Variants in OR9Q1 observed in about 807,000 individuals in gnomAD.
OR9Q1 encodes the protein olfactory receptor 9Q1.
For synonymous variants in OR9Q1, 153 were observed against 148.6 expected (o/e 1.03, Z -0.22); for missense variants, 374 against 378.8 (o/e 0.99, Z 0.11).
At chr11:58,093,868 T>C (rs1272552334) in intron 2 of OR9Q1, among the ~76,000 whole-genome samples, 2 of 150,362 alleles carry the variant, frequency 1.3e-5, no homozygotes, top group Non-Finnish European at 3.0e-5. Context: ...TAGCACAACC[T>C]CTAGAAAAAT....
At chr11:58,119,155 C>G in intron 2 of OR9Q1, 1 of 1,614,012 alleles carries the variant, frequency 6.2e-7, no homozygotes, top group African/African-American at 1.3e-5. Flanking sequence ...CTGGGCAGCA[C>G]AGTGGCCGTA....
At chr11:58,076,014 G>A (rs981122454) in intron 2 of OR9Q1, among the ~76,000 whole-genome samples, 1 of 152,170 alleles carries the variant, frequency 6.6e-6, no homozygotes, top group Non-Finnish European at 1.5e-5. Flanking sequence ...AGTCACACTC[G>A]TTTGTTTATG....
At chr11:58,131,540 A>G (rs1471247012) in intron 2 of OR9Q1, among the ~76,000 whole-genome samples, 2 of 152,016 alleles carry the variant, frequency 1.3e-5, no homozygotes, top group African/African-American at 4.8e-5. Flanking sequence ...TGTTTTATAT[A>G]ATTTTATAAA....
At chr11:58,171,996 G>T (rs1854559945) in intron 2 of OR9Q1, among the ~76,000 whole-genome samples, 1 of 152,102 alleles carries the variant, frequency 6.6e-6, no homozygotes, top group African/African-American at 2.4e-5. Context: ...ACAGCGACAG[G>T]GAAGGCTAAC....
intron 2 of OR9Q1, among the ~76,000 whole-genome samples, chr11:58,139,740 A>G (rs1419101077): frequency 6.6e-6 from 1 of 152,068 alleles, no homozygotes; most frequent in Non-Finnish European, 1.5e-5. Flanking sequence ...GCTGCAATAA[A>G]CATACGTGTG....
Position 58,106,704 on chromosome 11 carries a change from TG to T in OR9Q1, c.-15+50758del, listed in dbSNP as rs528098065. ...AACGTAGGGTCCAGTGTCATTCTTTTGCATAGTGACATGCAGTTTTCTTAAC... is the reference window on the plus strand; with the variant it reads ...AACGTAGGGTCCAGTGTCATTCTTTTCATAGTGACATGCAGTTTTCTTAAC... On this transcript the variant is annotated intron_variant, in intron 2 of 2. Coordinates refer to ENST00000335397, the MANE Select transcript of OR9Q1 (RefSeq NM_001005212.4). Among the ~76,000 whole-genome samples, 11 of 152,340 alleles carry T rather than the reference TG, an allele frequency of 7.2e-5. No individual in the cohort carries two copies. The East Asian group carries it at 2.1e-3, about 29-fold the overall frequency.
chr11:58,077,053 G>T (rs547359283), intron 2 of OR9Q1, among the ~76,000 whole-genome samples: 1 of 152,284 alleles, frequency 6.6e-6, no homozygotes, highest in South Asian at 2.1e-4. Context: ...AAGGATGTTT[G>T]GACTTGGAGA....
chr11:58,178,313 A>T (rs188057528), intron 2 of OR9Q1, among the ~76,000 whole-genome samples: 4 of 152,302 alleles, frequency 2.6e-5, no homozygotes, highest in Admixed American at 2.6e-4. Context: ...CTCTGATTTG[A>T]TCTTTACAAA....
chr11:58,076,972 A>T (rs952159628), intron 2 of OR9Q1, among the ~76,000 whole-genome samples: 1 of 152,200 alleles, frequency 6.6e-6, no homozygotes, highest in African/African-American at 2.4e-5. Context: ...AATTTTCAGG[A>T]TAAAGAGAAT....
chr11:58,062,443 C>T (rs1231776959), intron 2 of OR9Q1, among the ~76,000 whole-genome samples: 1 of 152,182 alleles, frequency 6.6e-6, no homozygotes, highest in Non-Finnish European at 1.5e-5. Flanking sequence ...CCTCCCACAT[C>T]TCCCCAGCAT....
intron 2 of OR9Q1, among the ~76,000 whole-genome samples, chr11:58,121,110 A>C (rs894046227): frequency 6.6e-6 from 1 of 152,166 alleles, no homozygotes; most frequent in East Asian, 1.9e-4. Context: ...AGGAAATGTC[A>C]TTAAACTTCT....
chr11:58,034,735 T>TTTCCTTCCTTCCTTCCTTCC (rs71454309), intron 1 of OR9Q1, among the ~76,000 whole-genome samples: 15,381 of 111,188 alleles, frequency 0.14, 2,084 homozygotes, highest in South Asian at 0.18. Flanking sequence ...GGTTTCTTTC[T>TTTCCTTCCTTCCTTCCTTCC]TTCCTTCCTT....
chr11:58,144,047 C>A (rs941177039), intron 2 of OR9Q1, among the ~76,000 whole-genome samples: 1 of 151,796 alleles, frequency 6.6e-6, no homozygotes, highest in Non-Finnish European at 1.5e-5. Flanking sequence ...TATTATTATA[C>A]TTTAAGTTTT....
At chr11:58,065,123 T>G in intron 2 of OR9Q1, among the ~76,000 whole-genome samples, 1 of 151,926 alleles carries the variant, frequency 6.6e-6, no homozygotes, top group East Asian at 1.9e-4. Flanking sequence ...AGAGGGGCTA[T>G]GGAGTGGACG....
intron 1 of OR9Q1, among the ~76,000 whole-genome samples, chr11:58,050,546 T>G (rs2119965345): frequency 9.4e-6 from 1 of 106,740 alleles, no homozygotes; most frequent in East Asian, 3.2e-4. Flanking sequence ...GGGCAAGGAC[T>G]TCATGTCCAA....
chr11:58,161,549 G>GTTTTTT (rs567452505), intron 2 of OR9Q1, among the ~76,000 whole-genome samples: 1 of 145,910 alleles, frequency 6.9e-6, no homozygotes, highest in Non-Finnish European at 1.5e-5. Flanking sequence ...GGCTTATTCT[G>GTTTTTT]TTTTTTTTTT....
intron 2 of OR9Q1, chr11:58,119,397 G>T (rs776360003): frequency 6.2e-7 from 1 of 1,613,634 alleles, no homozygotes; most frequent in Non-Finnish European, 8.5e-7. Flanking sequence ...GGTCCATAAA[G>T]CCCATGAGAA....
At chr11:58,059,160 T>G (rs1163519037) in intron 2 of OR9Q1, among the ~76,000 whole-genome samples, 33 of 152,314 alleles carry the variant, frequency 2.2e-4, no homozygotes. Flanking sequence ...ACTGACGTTT[T>G]TAGAAAGGAA....
intron 2 of OR9Q1, chr11:58,118,151 A>G (rs1426038720): frequency 2.8e-5 from 5 of 175,792 alleles, no homozygotes; most frequent in Middle Eastern, 2.4e-3. Context: ...CAAAAACAAG[A>G]GGGAAAGGAT....
Sources: allele counts gnomAD v4.1 joint callset (sites outside exome capture counted in the v4.1 genomes callset), GRCh38; gene constraint gnomAD v4.1.1; transcripts MANE v1.5; gene names NCBI Gene and HGNC (gene_info 2026-07-23, HGNC 2026-07-21).